NEMF: variants seen among roughly 807,000 people sequenced by gnomAD.
NEMF encodes ribosome quality control complex subunit NEMF.
In NEMF, 89 loss-of-function variants were observed where a neutral mutation model predicts 162.2. The observed-to-expected ratio is 0.55, with a 90% CI of 0.46 to 0.65. NEMF has a LOEUF of 0.65. NEMF is among the 30% of genes least tolerant of loss of function. The pLI is 0.00. For missense variants in NEMF, 1,133 were observed against 1,261.9 expected, an observed-to-expected ratio of 0.90 and a Z score of 1.55; for synonymous variants, 421 against 404.5, an observed-to-expected ratio of 1.04 and a Z score of -0.49.
intron 25 of NEMF, 60 bp downstream of exon 25, chr14:49,799,415 C>A: frequency 7.3e-7 from 1 of 1,369,742 alleles, no homozygotes; most frequent in Non-Finnish European, 1.0e-6. Context: ...GGTAGCTGAG[C>A]TATCAATTAA....
Position 49,829,334 on chromosome 14 carries a change from A to G in NEMF, c.1023+15T>C, listed in dbSNP as rs1410861554. 3 of 1,613,998 alleles carry G rather than the reference A, an allele frequency of 1.9e-6. No individual in the cohort carries two copies. Among genetic ancestry groups the G allele is most frequent in the Non-Finnish European group, 2.5e-6 (3 of 1,179,884 alleles). On this transcript the variant is annotated intron_variant, in intron 12 of 32. Coordinates refer to ENST00000298310, the MANE Select transcript of NEMF (RefSeq NM_004713.6). ...AACATTTTTGAAAAAGCACTGAGAA[A>G]GCCAAACATAATACCTGAGCCTGCT...
At position 49,851,904 on chromosome 14, in the gene NEMF, G is replaced by A. The variant is rs1893796387; in HGVS notation, c.60-29C>T. The A allele has an allele frequency of 1.1e-5, 15 of 1,331,366 alleles. No homozygotes were observed. The East Asian group carries it at 3.4e-4, about 31-fold the overall frequency. 82.5% of individuals were successfully genotyped at this position (1,331,366 alleles called of 1,614,324 possible). A position where few individuals can be genotyped will look rare whatever the true frequency, so the allele number is the denominator to read the frequency against. ...CAAAGATAAAGGAAACATGTAACAT[G>A]TTACACTATTGTCTGAAACATAAAA... On this transcript the variant is annotated intron_variant, in intron 1 of 32. Coordinates refer to ENST00000298310, the MANE Select transcript of NEMF (RefSeq NM_004713.6).
At chr14:49,844,488 C>G (rs759486055) in intron 4 of NEMF, among the ~76,000 whole-genome samples, 10 of 151,990 alleles carry the variant, frequency 6.6e-5, no homozygotes, top group Non-Finnish European at 8.8e-5. Flanking sequence ...AATGGAACAC[C>G]TGTATAGGGC....
intron 16 of NEMF, among the ~76,000 whole-genome samples, chr14:49,815,597 G>A (rs568080301): frequency 5.1e-4 from 77 of 152,170 alleles, no homozygotes; most frequent in African/African-American, 1.6e-3. Context: ...ATAGTGAAAG[G>A]ACTTTACTAT....
intron 18 of NEMF, among the ~76,000 whole-genome samples, chr14:49,809,032 A>C (rs1814988398): frequency 6.6e-6 from 1 of 152,196 alleles, no homozygotes; most frequent in Admixed American, 6.5e-5. Context: ...TGACAACACT[A>C]AATTCTGGTG....
intron 3 of NEMF, among the ~76,000 whole-genome samples, chr14:49,849,115 C>T (rs1046364396): frequency 6.6e-6 from 1 of 152,130 alleles, no homozygotes; most frequent in Non-Finnish European, 1.5e-5. Context: ...CTCCTTAACT[C>T]AGTAGTTTTA....
chr14:49,799,558 T>C, intron 24 of NEMF, 34 bp from the exon 25 acceptor site: 1 of 1,602,280 alleles, frequency 6.2e-7, no homozygotes, highest in African/African-American at 1.3e-5. Context: ...AATGCAAATA[T>C]CACTATTAAC....
At chr14:49,829,564 C>T (rs1892537678) in intron 11 of NEMF, 138 bp from the exon 12 acceptor site, 2 of 693,842 alleles carry the variant, frequency 2.9e-6, no homozygotes, top group Non-Finnish European at 4.8e-6. Context: ...AGTCTACCAC[C>T]CTAGGCCTAT....
rs748811429 is a variant in NEMF at position 49,852,787 on chromosome 14, C to T, written c.-34G>A. On this transcript the variant is annotated 5_prime_UTR_variant, in exon 1 of 33. Transcript: ENST00000298310. ...CCGAGGGTCACTACCGCAAGTTCCT[C>T]TACTGCCCGGCCGGACTCGACGCCA... 6.2e-7 allele frequency: 1 copy of T among 1,612,952 alleles called. No individual in the cohort carries two copies. The highest frequency in any genetic ancestry group is 1.1e-5 in the South Asian group (1 of 91,048).
rs1893740758 is a variant in NEMF, at chr14:49,850,896, A to C, written c.231+667T>G. Among the ~76,000 whole-genome samples, 6 of 152,288 alleles carry C rather than the reference A, an allele frequency of 3.9e-5. No homozygotes were observed. The South Asian group carries it at 1.2e-3, about 32-fold the overall frequency. ...ATAAAAGGTGAGGTAACTAATGAAA[A>C]TTATACTTTAAAAAAATTAATGTTG... On this transcript the variant is annotated intron_variant, in intron 3 of 32. Coordinates refer to ENST00000298310, the MANE Select transcript of NEMF (RefSeq NM_004713.6).
intron 28 of NEMF, 63 bp downstream of exon 28, chr14:49,789,083 C>T: frequency 7.5e-7 from 1 of 1,338,592 alleles, no homozygotes; most frequent in African/African-American, 1.4e-5. Flanking sequence ...GTCCCATGTC[C>T]TGGGAACTCC....
chr14:49,787,320 C>G (rs902983345), intron 28 of NEMF: 1 of 152,868 alleles, frequency 6.5e-6, no homozygotes, highest in African/African-American at 2.4e-5. Context: ...TTACTTCTTA[C>G]AGTTCTGAAG....
chr14:49,811,046 C>T (rs972280438), intron 18 of NEMF, among the ~76,000 whole-genome samples: 3 of 152,116 alleles, frequency 2.0e-5, no homozygotes, highest in African/African-American at 7.2e-5. Flanking sequence ...TCCTAGATTA[C>T]TGGGGAGTAC....
chr14:49,816,332 T>C (rs191630630), intron 16 of NEMF, among the ~76,000 whole-genome samples: 1 of 152,358 alleles, frequency 6.6e-6, no homozygotes, highest in African/African-American at 2.4e-5. Context: ...GCTTTTGCCC[T>C]TTGCCTTGTG....
At chr14:49,826,055 T>TAC in intron 15 of NEMF, 100 bp from the exon 16 acceptor site, 2 of 642,702 alleles carry the variant, frequency 3.1e-6, no homozygotes, top group South Asian at 2.1e-5. Context: ...TGTCACAAAA[T>TAC]GGCACAATCT....
chr14:49,802,154 C>T (rs540211701), intron 22 of NEMF, among the ~76,000 whole-genome samples: 8 of 151,732 alleles, frequency 5.3e-5, no homozygotes, highest in African/African-American at 1.9e-4. Context: ...GCCATGTTGC[C>T]CAGGCTGGTC....
chr14:49,828,742 T>C lies in NEMF; in HGVS notation c.1298A>G (p.Asn433Ser). ...DVDGDVNVEKNETEPPKGKKK... is the reference protein window; with the variant it reads ...DVDGDVNVEKSETEPPKGKKK... ...TTTTCCTTTTGGTGGTTCAGTTTCA[T>C]TTTTCTCAACATTGACGTCACCATC... Residue 433 changes from asparagine (N) to serine (S), a missense_variant, in exon 14 of 33, where the codon AAT becomes AGT. Around this residue, in one of 3 missense-constraint regions of NEMF, gnomAD observed 582 missense variants for 631.5 expected, o/e 0.92. Transcript: ENST00000298310. 1 of 1,591,306 alleles carries C rather than the reference T, an allele frequency of 6.3e-7. No homozygotes were observed.
intron 26 of NEMF, among the ~76,000 whole-genome samples, chr14:49,793,068 G>A (rs1444223565): frequency 6.6e-6 from 1 of 152,000 alleles, no homozygotes; most frequent in Non-Finnish European, 1.5e-5. Context: ...CTTTCAAAAA[G>A]GTGTCCTTCA....
Position 49,802,859 on chromosome 14 carries a change from A to C in NEMF, c.1916-132T>G, listed in dbSNP as rs527738967. The C allele has an allele frequency of 4.4e-6, 3 of 674,446 alleles. No individual in the cohort carries two copies. In the South Asian group the frequency reaches 5.8e-5, roughly 13 times the overall value. The allele number at this position is 674,446 out of a possible 1,614,324, so 41.8% of individuals were successfully genotyped here. On this transcript the variant is annotated intron_variant, in intron 20 of 32. Coordinates refer to ENST00000298310, the MANE Select transcript of NEMF (RefSeq NM_004713.6). ...TTTGTCTTTTACTATGTCAAGAATA[A>C]CATTTCCCATTTATAGAACTGGGCA...
Sources: allele counts gnomAD v4.1 joint callset (sites outside exome capture counted in the v4.1 genomes callset), GRCh38; gene constraint gnomAD v4.1.1; regional missense constraint gnomAD v4.1.1; transcripts MANE v1.5; gene names NCBI Gene and HGNC (gene_info 2026-07-23, HGNC 2026-07-21).